CDH7: variants seen among roughly 807,000 people sequenced by gnomAD.
CDH7 encodes the protein cadherin-7.
In CDH7, 25 loss-of-function variants were observed where a neutral mutation model predicts 71.8. That is an observed-to-expected ratio of 0.35 (90% CI 0.25 to 0.49). The LOEUF (loss-of-function observed/expected upper bound fraction) is 0.49, where lower values mean the gene tolerates loss of function less well. Among genes scored for constraint, CDH7 ranks in the 20% least tolerant of loss-of-function variants. The pLI is 0.99. For missense variants in CDH7, 862 were observed against 974.6 expected (o/e 0.88, Z 1.54); for synonymous variants, 381 against 363.8 (o/e 1.05, Z -0.54).
intron 2 of CDH7, among the ~76,000 whole-genome samples, chr18:65,771,502 T>TA (rs1198740907): frequency 1.3e-5 from 2 of 151,088 alleles, no homozygotes; most frequent in Admixed American, 1.3e-4. Flanking sequence ...AAAATAAAAA[T>TA]AAAAAACAAA....
Position 65,787,901 on chromosome 18 carries a change from A to C in CDH7, c.211-21803A>C, listed in dbSNP as rs1423514728. Among the ~76,000 whole-genome samples, 10 of 152,058 alleles carry C rather than the reference A, an allele frequency of 6.6e-5. No homozygotes were observed. In the East Asian group the frequency reaches 1.7e-3, roughly 26 times the overall value. ...TTTCCTGAAAAAGTTGGTGAAATTT[A>C]AGAGAAAGCGAGTAACCAGTTAGTG... On this transcript the variant is annotated intron_variant, in intron 2 of 11. Transcript: ENST00000397968.
chr18:65,848,482 C>G (rs1467269655), intron 7 of CDH7, among the ~76,000 whole-genome samples: 1 of 152,164 alleles, frequency 6.6e-6, no homozygotes, highest in Non-Finnish European at 1.5e-5. Flanking sequence ...TCCAAGTTCA[C>G]TGGCTGTGAG....
chr18:65,857,550 G>A (rs1282377334), intron 7 of CDH7, among the ~76,000 whole-genome samples: 1 of 151,740 alleles, frequency 6.6e-6, no homozygotes, highest in Non-Finnish European at 1.5e-5. Context: ...AAGTTCTAAT[G>A]ACATATTCAA....
At chr18:65,767,343 T>A (rs2143798883) in intron 2 of CDH7, among the ~76,000 whole-genome samples, 1 of 152,218 alleles carries the variant, frequency 6.6e-6, no homozygotes, top group Admixed American at 6.5e-5. Context: ...AAAAAGGAAG[T>A]TTCATATTGA....
intron 2 of CDH7, among the ~76,000 whole-genome samples, chr18:65,782,004 T>TTCTCTCTC (rs1327083066): frequency 1.7e-5 from 1 of 57,970 alleles, no homozygotes; most frequent in African/African-American, 1.5e-4. Context: ...CTTTCTCTCT[T>TTCTCTCTC]TCTCTCTTTC....
intron 6 of CDH7, among the ~76,000 whole-genome samples, chr18:65,838,213 C>T (rs982953192): frequency 6.6e-6 from 1 of 152,092 alleles, no homozygotes; most frequent in African/African-American, 2.4e-5. Flanking sequence ...AGCCACCATG[C>T]CCGACCTAAC....
intron 7 of CDH7, among the ~76,000 whole-genome samples, chr18:65,854,204 G>A (rs568182300): frequency 3.3e-5 from 5 of 151,624 alleles, no homozygotes; most frequent in Non-Finnish European, 7.4e-5. Context: ...TCCTTGGGAG[G>A]CTGAGATGGG....
chr18:65,776,437 G>GGAGA (rs1435662499), intron 2 of CDH7, among the ~76,000 whole-genome samples: 7 of 146,698 alleles, frequency 4.8e-5, no homozygotes, highest in African/African-American at 1.8e-4. Context: ...AAAGAGAGAG[G>GGAGA]GAGAGAGGAT....
intron 2 of CDH7, among the ~76,000 whole-genome samples, chr18:65,789,583 G>C (rs1599007541): frequency 6.6e-6 from 1 of 151,944 alleles, no homozygotes; most frequent in African/African-American, 2.4e-5. Context: ...TGGGATGGTG[G>C]GTAAGACAGG....
rs573010001 is a variant in CDH7 at position 65,885,464 on chromosome 18, G to A, written c.*4570G>A. 3 of 143,822 alleles carry A rather than the reference G, an allele frequency of 2.1e-5. No individual in the cohort carries two copies. Among genetic ancestry groups the A allele is most frequent in the African/African-American group, 7.9e-5 (3 of 37,904 alleles). 8.9% of individuals were successfully genotyped at this position (143,822 alleles called of 1,614,324 possible). A position where few individuals can be genotyped will look rare whatever the true frequency, so the allele number is the denominator to read the frequency against. ...GCGATCTCGGCTCACTGCAAGCTCC[G>A]CCTCCAGGGTTCACACCGTTCTCCT... On this transcript the variant is annotated 3_prime_UTR_variant, in exon 12 of 12. Transcript: ENST00000397968.
chr18:65,857,155 T>C (rs1216116480), intron 7 of CDH7, among the ~76,000 whole-genome samples: 1 of 151,604 alleles, frequency 6.6e-6, no homozygotes. Flanking sequence ...GGTTACCAAA[T>C]ATATTGTAAA....
chr18:65,755,077 A>C (rs1915994743), intron 1 of CDH7, among the ~76,000 whole-genome samples: 1 of 152,206 alleles, frequency 6.6e-6, no homozygotes, highest in South Asian at 2.1e-4. Context: ...TGGTCGTATA[A>C]AAATTTAAGT....
chr18:65,784,149 G>T (rs886440921), intron 2 of CDH7, among the ~76,000 whole-genome samples: 21 of 128,220 alleles, frequency 1.6e-4, no homozygotes, highest in Non-Finnish European at 2.6e-4. Flanking sequence ...ATTGGGTTTT[G>T]CCAAGTTGCC....
rs1370170637 is a variant in CDH7 at position 65,885,908 on chromosome 18, G to A, written c.*5014G>A. ...GTGGCTAAGGAAAGAACATTTAGCT[G>A]TTATTTGTGTAATTGTCACATATTA... is the stretch of plus-strand genomic sequence containing the variant. On this transcript the variant is annotated 3_prime_UTR_variant, in exon 12 of 12. Transcript: ENST00000397968. 2.6e-5 allele frequency: 4 copies of A among 152,134 alleles called. No homozygotes were observed. The highest frequency in any genetic ancestry group is 2.6e-4 in the Admixed American group (4 of 15,268). 9.4% of individuals were successfully genotyped at this position (152,134 alleles called of 1,614,324 possible).
In CDH7 at chr18:65,849,344, CT is replaced by C. The variant is rs1913050230; in HGVS notation, c.1235+5283del. 1.3e-4 allele frequency among the ~76,000 whole-genome samples: 2 copies of C among 15,070 alleles called. 1 individual carries two copies. The highest frequency in any genetic ancestry group is 1.3e-3 in the Admixed American group (2 of 1,484). The allele number at this position is 15,070 out of a possible 152,430, so 9.9% of individuals were successfully genotyped here. A position where few individuals can be genotyped will look rare whatever the true frequency, so the allele number is the denominator to read the frequency against. ...TAATTTATTTTAGCCTTTCCTTTTT[CT>C]TTTCTTTTCTTTTCTTTTCTTTTCT... On this transcript the variant is annotated intron_variant, in intron 7 of 11. Transcript: ENST00000397968.
In CDH7 at chr18:65,884,194, G is replaced by A. The variant is rs1914309328; in HGVS notation, c.*3300G>A. 6.6e-6 allele frequency: 1 copy of A among 152,040 alleles called. No homozygotes were observed. The highest frequency in any genetic ancestry group is 1.5e-5 in the Non-Finnish European group (1 of 67,984). The allele number at this position is 152,040 out of a possible 1,614,324, so 9.4% of individuals were successfully genotyped here. A position where few individuals can be genotyped will look rare whatever the true frequency, so the allele number is the denominator to read the frequency against. ...ATAAAAATCAAATCTTAAGGAAATG[G>A]ATTTCTGGAGATCAAGCCTAAATTA... On this transcript the variant is annotated 3_prime_UTR_variant, in exon 12 of 12. Transcript: ENST00000397968.
intron 2 of CDH7, among the ~76,000 whole-genome samples, chr18:65,792,379 A>C (rs1910746349): frequency 1.3e-5 from 2 of 152,082 alleles, no homozygotes. Flanking sequence ...GAATCAAACA[A>C]GTAAACCTTG....
chr18:65,765,678 GC>G (rs1441258827), intron 2 of CDH7, among the ~76,000 whole-genome samples: 1 of 151,974 alleles, frequency 6.6e-6, no homozygotes, highest in Non-Finnish European at 1.5e-5. Flanking sequence ...ACACAATCTA[GC>G]TATTTGGGTA....
chr18:65,863,236 C>T (rs1028314988), intron 11 of CDH7: 28 of 311,492 alleles, frequency 9.0e-5, no homozygotes, highest in African/African-American at 4.6e-4. Flanking sequence ...CTGAGTTTCA[C>T]CATGTTGGGC....
Sources: gnomAD v4.1 joint callset for allele counts (sites outside exome capture counted in the v4.1 genomes callset) on GRCh38, gnomAD v4.1.1 for gene constraint, MANE v1.5 for transcripts, NCBI Gene and HGNC (gene_info 2026-07-23, HGNC 2026-07-21) for gene names.